Variants in TARS3 observed in about 807,000 individuals in gnomAD.
TARS3 encodes threonyl-tRNA synthetase 3.
TARS3 carries 94 observed loss-of-function variants against 103.5 expected under a neutral mutation model. The observed-to-expected ratio is 0.91, with a 90% CI of 0.77 to 1.08. TARS3 has a LOEUF of 1.08. Ranked by LOEUF, TARS3 falls within the 50% of genes least tolerant of loss-of-function variation. The pLI, the probability that TARS3 is intolerant of heterozygous loss-of-function variation, is 0.00. For synonymous variants in TARS3, 416 were observed against 355.4 expected (o/e 1.17, Z -1.92); for missense variants, 952 against 995.2 (o/e 0.96, Z 0.58).
chr15:101,693,226 G>GT (rs1898806641), intron 10 of TARS3, among the ~76,000 whole-genome samples: 1 of 152,182 alleles, frequency 6.6e-6, no homozygotes, highest in Admixed American at 6.5e-5. Context: ...ATTTATGAAG[G>GT]AAAGAGGTTT....
intron 10 of TARS3, among the ~76,000 whole-genome samples, chr15:101,689,132 A>G (rs1898598501): frequency 6.6e-6 from 1 of 152,066 alleles, no homozygotes; most frequent in South Asian, 2.1e-4. Context: ...AGGACTTACT[A>G]CCCTTGATCC....
At chr15:101,705,563 G>C in intron 7 of TARS3, 120 bp downstream of exon 7, 1 of 753,856 alleles carries the variant, frequency 1.3e-6, no homozygotes, top group Non-Finnish European at 2.3e-6. Flanking sequence ...TTGTAACTAC[G>C]GTAGATTATC....
In TARS3 at chr15:101,654,745, G is replaced by C; in HGVS notation, c.2261-15C>G. On this transcript the variant is annotated splice_polypyrimidine_tract_variant and intron_variant, in intron 18 of 18. Transcript: ENST00000335968. ...TTCTCCAACCACTGCAGAAAAGAAAGGTAAAGAAATGTATTTTAAATCAGC... is the reference window on the plus strand; with the variant it reads ...TTCTCCAACCACTGCAGAAAAGAAACGTAAAGAAATGTATTTTAAATCAGC... The C allele has an allele frequency of 6.2e-7, 1 of 1,609,658 alleles. No individual in the cohort carries two copies. The highest frequency in any genetic ancestry group is 8.5e-7 in the Non-Finnish European group (1 of 1,178,402).
intron 12 of TARS3, among the ~76,000 whole-genome samples, chr15:101,677,591 C>T (rs546408497): frequency 7.9e-5 from 12 of 152,090 alleles, no homozygotes; most frequent in African/African-American, 2.7e-4. Context: ...CTCCACCTCC[C>T]GGGTTCAAGC....
At chr15:101,677,356 A>AT (rs1423820037) in intron 12 of TARS3, among the ~76,000 whole-genome samples, 1 of 152,062 alleles carries the variant, frequency 6.6e-6, no homozygotes, top group Non-Finnish European at 1.5e-5. Flanking sequence ...TGGGACATTT[A>AT]TTTTCTCCTG....
rs576619238 is a variant in TARS3, at chr15:101,682,314, T to C, written c.1650+1761A>G. Among the ~76,000 whole-genome samples the C allele has an allele frequency of 2.6e-5, 4 of 152,300 alleles. No individual in the cohort carries two copies. The South Asian group carries it at 8.3e-4, about 32-fold the overall frequency. On this transcript the variant is annotated intron_variant, in intron 12 of 18. Coordinates refer to ENST00000335968, the MANE Select transcript of TARS3 (RefSeq NM_152334.3). ...AGAAAGTTCCCTTCCATTCCTAGTTTTGAGAGTTTTTATGAGATATGGATG... is the reference window on the plus strand; with the variant it reads ...AGAAAGTTCCCTTCCATTCCTAGTTCTGAGAGTTTTTATGAGATATGGATG...
At chr15:101,684,031 A>T in intron 12 of TARS3, 44 bp downstream of exon 12, 1 of 1,581,632 alleles carries the variant, frequency 6.3e-7, no homozygotes, top group African/African-American at 1.3e-5. Flanking sequence ...GGGGCATCAC[A>T]CTCAATTTGT....
intron 16 of TARS3, among the ~76,000 whole-genome samples, chr15:101,660,341 AT>A (rs1417521949): frequency 6.6e-6 from 1 of 152,194 alleles, no homozygotes; most frequent in Non-Finnish European, 1.5e-5. Flanking sequence ...TCATCACAAG[AT>A]GTTGTCTGCC....
rs139776142 is a variant in TARS3 at position 101,689,916 on chromosome 15, T to C, written c.1321-3854A>G. Among the ~76,000 whole-genome samples, 102 of 152,362 alleles carry C rather than the reference T, an allele frequency of 6.7e-4. 1 individual carries two copies. The East Asian group carries it at 9.2e-3, about 14-fold the overall frequency. ...GAGTGATGGGAAAAGAAGGCTCTGA[T>C]GTATCAGCTTGGCCCTAGCGTCCAT... On this transcript the variant is annotated intron_variant, in intron 10 of 18. Transcript: ENST00000335968.
At chr15:101,701,485 C>G (rs1161565107) in intron 9 of TARS3, among the ~76,000 whole-genome samples, 1 of 152,184 alleles carries the variant, frequency 6.6e-6, no homozygotes, top group Non-Finnish European at 1.5e-5. Context: ...CAAAAAAGTT[C>G]ATTGCAGGAG....
At chr15:101,721,027 G>T in intron 3 of TARS3, 99 bp downstream of exon 3, 1 of 977,568 alleles carries the variant, frequency 1.0e-6, no homozygotes, top group Non-Finnish European at 1.5e-6. Flanking sequence ...TTAGTATCGT[G>T]AGAATGGAGT....
intron 12 of TARS3, among the ~76,000 whole-genome samples, chr15:101,679,936 G>A (rs1199163711): frequency 6.6e-6 from 1 of 152,182 alleles, no homozygotes; most frequent in Non-Finnish European, 1.5e-5. Flanking sequence ...CACACAGAAA[G>A]CATGGCCTCA....
chr15:101,722,557 A>G (rs1353112787), intron 2 of TARS3, among the ~76,000 whole-genome samples: 1 of 148,394 alleles, frequency 6.7e-6, no homozygotes, highest in African/African-American at 2.5e-5. Flanking sequence ...CTGTAATCCC[A>G]GCACTTTGGG....
chr15:101,677,690 G>A (rs1457539816), intron 12 of TARS3, among the ~76,000 whole-genome samples: 1 of 151,862 alleles, frequency 6.6e-6, no homozygotes, highest in Non-Finnish European at 1.5e-5. Flanking sequence ...TAGAGACAGG[G>A]TTTCTCCATG....
At position 101,719,536 on chromosome 15, in the gene TARS3, T is replaced by C. The variant is rs533493767; in HGVS notation, c.566+1590A>G. Reference sequence around the variant, plus strand: ...ATGGTATGAATGCTTTAGCTGGACATGTGGCTGGGCGGCCAAGGGAGCTAT... The same window carrying C: ...ATGGTATGAATGCTTTAGCTGGACACGTGGCTGGGCGGCCAAGGGAGCTAT... On this transcript the variant is annotated intron_variant, in intron 3 of 18. Transcript: ENST00000335968. Among the ~76,000 whole-genome samples, 3 of 152,326 alleles carry C rather than the reference T, an allele frequency of 2.0e-5. No individual in the cohort carries two copies. The East Asian group carries it at 5.8e-4, about 29-fold the overall frequency.
intron 12 of TARS3, among the ~76,000 whole-genome samples, chr15:101,682,822 G>A (rs935262203): frequency 3.9e-5 from 6 of 152,142 alleles, no homozygotes; most frequent in Non-Finnish European, 8.8e-5. Flanking sequence ...AGTAGACACA[G>A]GGCTATTCAG....
At chr15:101,685,414 T>A (rs2141407720) in intron 11 of TARS3, among the ~76,000 whole-genome samples, 1 of 152,268 alleles carries the variant, frequency 6.6e-6, no homozygotes, top group Non-Finnish European at 1.5e-5. Context: ...AATTATGATA[T>A]AATGCTAAGA....
At chr15:101,662,593 A>G (rs1208581667) in intron 15 of TARS3, among the ~76,000 whole-genome samples, 1 of 152,252 alleles carries the variant, frequency 6.6e-6, no homozygotes, top group Non-Finnish European at 1.5e-5. Context: ...AAGAGCCATT[A>G]TAGAATAACT....
intron 15 of TARS3, among the ~76,000 whole-genome samples, chr15:101,666,757 G>T (rs947897535): frequency 1.3e-5 from 2 of 152,120 alleles, no homozygotes; most frequent in African/African-American, 4.8e-5. Context: ...AGATATATGA[G>T]AAATGATACT....
Sources: allele counts gnomAD v4.1 joint callset (sites outside exome capture counted in the v4.1 genomes callset), GRCh38; gene constraint gnomAD v4.1.1; transcripts MANE v1.5; gene names NCBI Gene and HGNC (gene_info 2026-07-23, HGNC 2026-07-21).